BRINP1: variants seen among roughly 807,000 people sequenced by gnomAD.
BRINP1 encodes BMP/retinoic acid inducible neural specific 1.
In BRINP1, 17 loss-of-function variants were observed where a neutral mutation model predicts 72.9. The observed-to-expected ratio is 0.23, with a 90% CI of 0.16 to 0.35. BRINP1 has a LOEUF of 0.35. BRINP1 is among the 10% of genes least tolerant of loss of function. The pLI, the probability that BRINP1 is intolerant of heterozygous loss-of-function variation, is 1.00. For synonymous variants in BRINP1, 418 were observed against 378.5 expected (o/e 1.10, Z -1.21); for missense variants, 850 against 1,001.6 (o/e 0.85, Z 2.04).
intron 2 of BRINP1, among the ~76,000 whole-genome samples, chr9:119,271,841 A>C (rs1332706827): frequency 1.3e-5 from 2 of 151,914 alleles, no homozygotes; most frequent in African/African-American, 4.8e-5. Context: ...AGAGAATTTG[A>C]GAGGATACTG....
intron 1 of BRINP1, among the ~76,000 whole-genome samples, chr9:119,358,697 GA>G (rs1238375322): frequency 6.6e-6 from 1 of 150,494 alleles, no homozygotes; most frequent in Non-Finnish European, 1.5e-5. Context: ...CCATCTCCAA[GA>G]AAAAAAAAGA....
intron 7 of BRINP1, among the ~76,000 whole-genome samples, chr9:119,179,786 C>T (rs763925113): frequency 4.6e-5 from 7 of 152,170 alleles, no homozygotes; most frequent in Non-Finnish European, 8.8e-5. Context: ...TGCCCATGCT[C>T]TATATTCCCT....
chr9:119,331,797 C>G (rs982264865), intron 1 of BRINP1, among the ~76,000 whole-genome samples: 3 of 152,226 alleles, frequency 2.0e-5, no homozygotes, highest in Non-Finnish European at 4.4e-5. Flanking sequence ...GAAGAATATT[C>G]CACAGACCAC....
At chr9:119,220,306 T>C (rs1406906513) in intron 5 of BRINP1, among the ~76,000 whole-genome samples, 3 of 152,012 alleles carry the variant, frequency 2.0e-5, no homozygotes, top group Non-Finnish European at 4.4e-5. Flanking sequence ...TCAACAACAT[T>C]GATGATATTG....
rs1295233600 is a variant in BRINP1 at position 119,210,068 on chromosome 9, G to A, written c.923-1127C>T. On this transcript the variant is annotated intron_variant, in intron 6 of 7. Coordinates refer to ENST00000265922, the MANE Select transcript of BRINP1 (RefSeq NM_014618.3). ...GTTCAGCTCTTTTGTTCTATGAATA[G>A]GAAAACTGAAGCCCAAAATGGGAAG... Among the ~76,000 whole-genome samples, 4 of 152,290 alleles carry A rather than the reference G, an allele frequency of 2.6e-5. No individual in the cohort carries two copies. In the East Asian group the frequency reaches 5.8e-4, roughly 22 times the overall value.
At chr9:119,169,028 C>T (rs1412066430) in intron 7 of BRINP1, among the ~76,000 whole-genome samples, 1 of 152,162 alleles carries the variant, frequency 6.6e-6, no homozygotes, top group African/African-American at 2.4e-5. Context: ...AAGACATGTA[C>T]ACGATGTTTA....
chr9:119,343,249 G>T (rs1044576937), intron 1 of BRINP1, among the ~76,000 whole-genome samples: 1 of 152,172 alleles, frequency 6.6e-6, no homozygotes, highest in African/African-American at 2.4e-5. Context: ...AGATTGCTCC[G>T]CACTGCCTAC....
At chr9:119,310,334 G>T (rs1831048274) in intron 2 of BRINP1, among the ~76,000 whole-genome samples, 1 of 152,162 alleles carries the variant, frequency 6.6e-6, no homozygotes, top group Non-Finnish European at 1.5e-5. Flanking sequence ...TCAAGTTTGT[G>T]AGTGACAGAG....
Position 119,167,828 on chromosome 9 carries a change from G to T in BRINP1, c.1542C>A (p.Thr514=), listed in dbSNP as rs373092839. The change falls in exon 8 of 8, where the codon ACC becomes ACA. Residue 514 remains threonine, a synonymous_variant. Coordinates refer to ENST00000265922, the MANE Select transcript of BRINP1 (RefSeq NM_014618.3). The surrounding 1 kb of genome is among the most constrained non-coding windows in gnomAD (Gnocchi z 4.3). ...TFISNEIRLD[T]FFDPRWRKRM... is the part of the protein sequence containing the mutation. The stretch of plus-strand genomic sequence containing the variant: ...GCTTGCGCCACCGAGGGTCAAAGAA[G>T]GTGTCGAGGCGGATCTCGTTGCTGA... 7.4e-6 allele frequency: 12 copies of T among 1,614,088 alleles called. No individual in the cohort carries two copies. The highest frequency in any genetic ancestry group is 9.3e-6 in the Non-Finnish European group (11 of 1,180,046).
At position 119,291,122 on chromosome 9, in the gene BRINP1, CAA is replaced by C. The variant is rs66505860; in HGVS notation, c.218+22014_218+22015del. Among the ~76,000 whole-genome samples the C allele has an allele frequency of 5.5e-3, 668 of 121,046 alleles. 14 individuals are homozygous for C. Among genetic ancestry groups the C allele is most frequent in the East Asian group, 0.036 (140 of 3,936 alleles). The allele number at this position is 121,046 out of a possible 152,430, so 79.4% of individuals were successfully genotyped here. A position where few individuals can be genotyped will look rare whatever the true frequency, so the allele number is the denominator to read the frequency against. On this transcript the variant is annotated intron_variant, in intron 2 of 7. Transcript: ENST00000265922. Reference sequence around the variant, plus strand: ...AGGGCGACAAGAATGAACTCCATCTCAAAAAAAAAAAAAAAAAATTAGAAAAA... The same window carrying C: ...AGGGCGACAAGAATGAACTCCATCTCAAAAAAAAAAAAAAAATTAGAAAAA...
intron 7 of BRINP1, among the ~76,000 whole-genome samples, chr9:119,186,664 T>C (rs1263969458): frequency 6.6e-6 from 1 of 152,152 alleles, no homozygotes; most frequent in South Asian, 2.1e-4. Flanking sequence ...TATCACCTTG[T>C]CCACTATGTC....
Position 119,167,128 on chromosome 9 carries a change from C to A in BRINP1, c.2242G>T (p.Glu748Ter), listed in dbSNP as rs1829324096. The stretch of plus-strand genomic sequence containing the variant: ...ATCTGGTCCGACTGTTTGAGGATCT[C>A]CGTGTTGTACAGGTCCAAGGCGTGG... Reference protein sequence around the residue: ...VNHALDLYNTEILKQSDQMTA... With the variant: ...VNHALDLYNT The change falls in exon 8 of 8, where the codon GAG becomes TAG. Residue 748 changes from glutamate to a stop codon, truncating the protein, a stop_gained. Coordinates refer to ENST00000265922, the MANE Select transcript of BRINP1 (RefSeq NM_014618.3). LOFTEE classifies it high-confidence loss of function. The surrounding 1 kb of genome is among the most constrained non-coding windows in gnomAD (Gnocchi z 4.3). 2 of 1,613,098 alleles carry A rather than the reference C, an allele frequency of 1.2e-6. No individual in the cohort carries two copies. Among genetic ancestry groups the A allele is most frequent in the Admixed American group, 1.7e-5 (1 of 59,928 alleles).
intron 2 of BRINP1, among the ~76,000 whole-genome samples, chr9:119,250,784 G>A (rs531063764): frequency 1.3e-5 from 2 of 152,100 alleles, no homozygotes; most frequent in Non-Finnish European, 2.9e-5. Flanking sequence ...CCAGCTCTCC[G>A]ACCTGCCTGA....
At chr9:119,257,578 T>G (rs1210304817) in intron 2 of BRINP1, among the ~76,000 whole-genome samples, 1 of 152,212 alleles carries the variant, frequency 6.6e-6, no homozygotes, top group Admixed American at 6.5e-5. Context: ...CATTAACTAA[T>G]CATTTGGAAA....
chr9:119,232,010 G>A (rs1376098841), intron 5 of BRINP1, among the ~76,000 whole-genome samples: 6 of 151,946 alleles, frequency 3.9e-5, no homozygotes, highest in South Asian at 2.1e-4. Context: ...TTTGGATATC[G>A]AATAGATTTG....
At chr9:119,282,146 T>C (rs189131428) in intron 2 of BRINP1, among the ~76,000 whole-genome samples, 119 of 152,342 alleles carry the variant, frequency 7.8e-4, no homozygotes, top group African/African-American at 2.8e-3. Flanking sequence ...TGAATAGTTT[T>C]GACAAGGCCC....
At chr9:119,344,291 A>G (rs903031967) in intron 1 of BRINP1, among the ~76,000 whole-genome samples, 42 of 152,218 alleles carry the variant, frequency 2.8e-4, no homozygotes, top group Non-Finnish European at 1.8e-4. Flanking sequence ...CAATAAATAT[A>G]CATTATTATT....
At chr9:119,255,324 TG>T (rs1251354531) in intron 2 of BRINP1, among the ~76,000 whole-genome samples, 2 of 152,096 alleles carry the variant, frequency 1.3e-5, no homozygotes, top group Non-Finnish European at 2.9e-5. Flanking sequence ...CCCAGCAGGG[TG>T]GGCAAACCAA....
chr9:119,199,017 G>A (rs1049559982), intron 7 of BRINP1, among the ~76,000 whole-genome samples: 2 of 152,094 alleles, frequency 1.3e-5, no homozygotes, highest in Non-Finnish European at 2.9e-5. Context: ...TACAAGTTAT[G>A]AAGAATTTTC....
Sources: allele counts gnomAD v4.1 joint callset (sites outside exome capture counted in the v4.1 genomes callset), GRCh38; gene constraint gnomAD v4.1.1; non-coding constraint Gnocchi (gnomAD v3.1); transcripts MANE v1.5; gene names NCBI Gene and HGNC (gene_info 2026-07-23, HGNC 2026-07-21).